Variants in CWF19L1 observed in about 807,000 individuals in gnomAD.
CWF19L1 encodes the protein CWF19 like cell cycle control factor 1, also known as CWF19-like protein 1.
In CWF19L1, 60 loss-of-function variants were observed where a neutral mutation model predicts 69.7. The ratio of observed to expected loss-of-function variants is 0.86; its 90% confidence interval spans 0.70 to 1.07. The LOEUF is 1.07. Ranked by LOEUF, CWF19L1 falls within the 50% of genes least tolerant of loss-of-function variation. The pLI, the probability that CWF19L1 is intolerant of heterozygous loss-of-function variation, is 0.00. For missense variants in CWF19L1, 591 were observed against 638.9 expected (o/e 0.92, Z 0.81); for synonymous variants, 209 against 222.2 (o/e 0.94, Z 0.53).
intron 10 of CWF19L1, 55 bp from the exon 11 acceptor site, chr10:100,238,286 G>T (rs934222725): frequency 3.9e-6 from 6 of 1,543,928 alleles, no homozygotes; most frequent in Non-Finnish European, 5.4e-6. Flanking sequence ...GGATTCTCCA[G>T]GGAGAAAAAC....
chr10:100,233,454 TTC>T lies in CWF19L1; in HGVS notation c.1473-85_1473-84del, dbSNP rs1039360085. 24 of 1,441,246 alleles carry T rather than the reference TTC, an allele frequency of 1.7e-5. No individual in the cohort carries two copies. The African/African-American group carries it at 2.0e-4, about 12-fold the overall frequency. 89.3% of individuals were successfully genotyped at this position (1,441,246 alleles called of 1,614,324 possible). On this transcript the variant is annotated intron_variant, in intron 13 of 13. Transcript: ENST00000354105. ...CATCACCCAAAGGAGGTATGCAAATTTCTCTGACTTTGCTCTCCTGCCCTGAG... is the reference window on the plus strand; with the variant it reads ...CATCACCCAAAGGAGGTATGCAAATTTCTGACTTTGCTCTCCTGCCCTGAG...
chr10:100,262,417 CAT>C, intron 1 of CWF19L1: 1 of 963,746 alleles, frequency 1.0e-6, no homozygotes, highest in Non-Finnish European at 1.2e-6. Context: ...CTTTCACATT[CAT>C]TCTATCCTTC....
intron 7 of CWF19L1, 55 bp downstream of exon 7, chr10:100,250,193 C>T (rs1479130377): frequency 3.4e-6 from 4 of 1,163,496 alleles, no homozygotes; most frequent in South Asian, 1.2e-5. Flanking sequence ...ACAAGAGATA[C>T]ATTTATCAGG....
At chr10:100,253,694 G>C (rs1444973659) in intron 5 of CWF19L1, 155 bp from the exon 6 acceptor site, 3 of 537,474 alleles carry the variant, frequency 5.6e-6, no homozygotes, top group Non-Finnish European at 9.9e-6. Context: ...ATGGCAATCA[G>C]AGAAAAAATC....
At chr10:100,237,036 C>T in intron 11 of CWF19L1, 67 bp from the exon 12 acceptor site, 5 of 1,523,360 alleles carry the variant, frequency 3.3e-6, no homozygotes, top group Non-Finnish European at 4.4e-6. Flanking sequence ...TGCACAGTCT[C>T]TGAGAAGTAG....
Position 100,241,444 on chromosome 10 carries a change from C to T in CWF19L1, c.1044+2254G>A, listed in dbSNP as rs531283064. On this transcript the variant is annotated intron_variant, in intron 10 of 13. Transcript: ENST00000354105. Reference sequence around the variant, plus strand: ...TCTACAGGAAGGAAGACACAAAAAACGGTCCTCAGATTGTTAGGATAAGTT... The same window carrying T: ...TCTACAGGAAGGAAGACACAAAAAATGGTCCTCAGATTGTTAGGATAAGTT... Among the ~76,000 whole-genome samples the T allele has an allele frequency of 2.0e-4, 30 of 152,266 alleles. No homozygotes were observed. In the East Asian group the frequency reaches 5.4e-3, roughly 27 times the overall value.
chr10:100,241,864 C>T (rs1846650183), intron 10 of CWF19L1, among the ~76,000 whole-genome samples: 1 of 152,104 alleles, frequency 6.6e-6, no homozygotes, highest in Non-Finnish European at 1.5e-5. Context: ...CTTATTAGGC[C>T]CCACCTCCCA....
At chr10:100,248,642 C>A in intron 7 of CWF19L1, 1 of 780,480 alleles carries the variant, frequency 1.3e-6, no homozygotes, top group South Asian at 1.4e-5. Flanking sequence ...ATCCTCAAGT[C>A]AGTGGTGGCT....
intron 7 of CWF19L1, 102 bp downstream of exon 7, chr10:100,250,146 C>G: frequency 1.2e-6 from 1 of 821,690 alleles, no homozygotes; most frequent in South Asian, 1.4e-5. Context: ...TGAGACCTTG[C>G]AGTCAGGGAG....
rs191226613 is a variant in CWF19L1 at position 100,235,010 on chromosome 10, T to C, written c.1472+657A>G. On this transcript the variant is annotated intron_variant, in intron 13 of 13. Transcript: ENST00000354105. ...AGCCTGCTATCCAGTGGGGTAACCA[T>C]TAGCCAGGTATGGCTATTTAAATTT... 1.3e-4 allele frequency among the ~76,000 whole-genome samples: 20 copies of C among 152,312 alleles called. No individual in the cohort carries two copies. The East Asian group carries it at 3.7e-3, about 28-fold the overall frequency.
chr10:100,240,794 G>C (rs1053596935), intron 10 of CWF19L1, among the ~76,000 whole-genome samples: 1 of 152,076 alleles, frequency 6.6e-6, no homozygotes, highest in South Asian at 2.1e-4. Flanking sequence ...TTGTGTGGGA[G>C]AGAAAAATAG....
At chr10:100,233,468 TC>T in intron 13 of CWF19L1, 97 bp from the exon 14 acceptor site, 1 of 1,265,574 alleles carries the variant, frequency 7.9e-7, no homozygotes, top group South Asian at 1.5e-5. Flanking sequence ...CTGACTTTGC[TC>T]TCCTGCCCTG....
intron 10 of CWF19L1, 37 bp downstream of exon 10, chr10:100,243,639 AAGTTAATAAAAAACAAATAGGC>A: frequency 7.2e-7 from 1 of 1,397,432 alleles, no homozygotes; most frequent in Non-Finnish European, 1.0e-6. Flanking sequence ...TGCCTCAATA[AAGTTAATAAAAAACAAATAGGC>A]ATCTCCTTCT....
chr10:100,249,350 A>G (rs1846944021), intron 7 of CWF19L1, among the ~76,000 whole-genome samples: 1 of 152,062 alleles, frequency 6.6e-6, no homozygotes, highest in African/African-American at 2.4e-5. Flanking sequence ...TTATCTGCCT[A>G]TTTTCCCACT....
In CWF19L1 at chr10:100,253,419, A is replaced by C. The variant is rs1464523502; in HGVS notation, c.623+2T>G. 2.0e-6 allele frequency: 3 copies of C among 1,528,298 alleles called. No individual in the cohort carries two copies. The allele number at this position is 1,528,298 out of a possible 1,614,324, so 94.7% of individuals were successfully genotyped here. A position where few individuals can be genotyped will look rare whatever the true frequency, so the allele number is the denominator to read the frequency against. ...AGCCAAGAAGAATGAAATGCTACTC[A>C]CCGATATGGAAGCCTCTCATAATAG... On this transcript the variant is annotated splice_donor_variant, in intron 6 of 13. Coordinates refer to ENST00000354105, the MANE Select transcript of CWF19L1 (RefSeq NM_018294.6). LOFTEE classifies it high-confidence loss of function.
intron 12 of CWF19L1, 97 bp downstream of exon 12, chr10:100,236,753 G>A (rs1846451527): frequency 2.8e-6 from 4 of 1,452,936 alleles, no homozygotes; most frequent in African/African-American, 1.4e-5. Context: ...CTAGGCAACA[G>A]AGCAAGACTC....
At chr10:100,241,925 G>C (rs1470709058) in intron 10 of CWF19L1, among the ~76,000 whole-genome samples, 1 of 152,134 alleles carries the variant, frequency 6.6e-6, no homozygotes, top group Non-Finnish European at 1.5e-5. Flanking sequence ...CAGGAATCTT[G>C]GGGAACATCC....
Position 100,265,571 on chromosome 10 carries a change from A to C in CWF19L1, c.23+2000T>G, listed in dbSNP as rs189642251. On this transcript the variant is annotated intron_variant, in intron 1 of 13. Transcript: ENST00000354105. ...AGTCTCGCTCTGTCGCCCAGGCTGG[A>C]GTGCAGTGGTGCGATCTCGGCTCAC... Among the ~76,000 whole-genome samples, 460 of 137,708 alleles carry C rather than the reference A, an allele frequency of 3.3e-3. 8 individuals carry two copies. In the Middle Eastern group the frequency reaches 0.046, roughly 14 times the overall value. The allele number at this position is 137,708 out of a possible 152,430, so 90.3% of individuals were successfully genotyped here. A position where few individuals can be genotyped will look rare whatever the true frequency, so the allele number is the denominator to read the frequency against.
intron 9 of CWF19L1, 96 bp downstream of exon 9, chr10:100,245,703 G>GC: frequency 1.2e-6 from 1 of 858,044 alleles, no homozygotes; most frequent in Non-Finnish European, 1.9e-6. Context: ...ATTCTCCCCT[G>GC]CCAGAAGAGG....
Sources: gnomAD v4.1 joint callset for allele counts (sites outside exome capture counted in the v4.1 genomes callset) on GRCh38, gnomAD v4.1.1 for gene constraint, MANE v1.5 for transcripts, NCBI Gene and HGNC (gene_info 2026-07-23, HGNC 2026-07-21) for gene names.